Variants in STAT3 observed in about 807,000 individuals in gnomAD.
STAT3 encodes DNA-binding protein APRF.
STAT3 carries 7 observed loss-of-function variants against 114.3 expected under a neutral mutation model. The ratio of observed to expected loss-of-function variants is 0.06; its 90% confidence interval spans 0.03 to 0.11. The LOEUF is 0.11. STAT3 is among the 10% of genes least tolerant of loss of function. The probability of loss-of-function intolerance (pLI) is 1.00; values close to 1 mark genes in which losing one functional copy is unlikely to be tolerated. For missense variants in STAT3, 364 were observed against 960.9 expected (o/e 0.38, Z 8.21); for synonymous variants, 331 against 354.5 (o/e 0.93, Z 0.74).
At position 42,323,249 on chromosome 17, in the gene STAT3, G is replaced by T. The variant is rs775964698; in HGVS notation, c.1748+11C>A. Reference sequence around the variant, plus strand: ...ACTTGGTTACATCTGTGCACACTCTGTCCAACCTACCCTTCGTTCCAAAGG... The same window carrying T: ...ACTTGGTTACATCTGTGCACACTCTTTCCAACCTACCCTTCGTTCCAAAGG... On this transcript the variant is annotated intron_variant, in intron 19 of 23. Transcript: ENST00000264657. 9 of 1,614,172 alleles carry T rather than the reference G, an allele frequency of 5.6e-6. No homozygotes were observed. The highest frequency in any genetic ancestry group is 1.6e-4 in the Middle Eastern group (1 of 6,062).
chr17:42,326,002 C>T, intron 15 of STAT3, 114 bp downstream of exon 15: 1 of 988,868 alleles, frequency 1.0e-6, no homozygotes, highest in Non-Finnish European at 1.6e-6. Context: ...AAAATAAACA[C>T]AGTGTTAAGC....
rs35099574 is a variant in STAT3, at chr17:42,358,933, C to CTTTTTTTTT, written c.-23-10403_-23-10395dup. Among the ~76,000 whole-genome samples the CTTTTTTTTT allele has an allele frequency of 4.6e-3, 458 of 100,418 alleles. 14 individuals carry two copies. The highest frequency in any genetic ancestry group is 4.9e-3 in the African/African-American group (126 of 25,502). The allele number at this position is 100,418 out of a possible 152,430, so 65.9% of individuals were successfully genotyped here. On this transcript the variant is annotated intron_variant, in intron 1 of 23. Transcript: ENST00000264657. ...GTCTCCCTTTCATGGACATTTCTTACTTTTTTTTTTTTTTTTTTTGAGATG... is the reference window on the plus strand; with the variant it reads ...GTCTCCCTTTCATGGACATTTCTTACTTTTTTTTTTTTTTTTTTTTTTTTTTTTGAGATG...
intron 1 of STAT3, among the ~76,000 whole-genome samples, chr17:42,360,008 C>T (rs1054012658): frequency 7.4e-6 from 1 of 134,962 alleles, no homozygotes. Context: ...TGCAGTGAGC[C>T]GAGATCGCGC....
chr17:42,345,624 G>A lies in STAT3; in HGVS notation c.307C>T (p.Arg103Trp), dbSNP rs1408283351. Residue 103 changes from arginine (R) to tryptophan (W), a missense_variant, in exon 4 of 24, where the codon CGG becomes TGG. This residue lies in a region of STAT3 where 294 missense variants were observed against 745.1 expected (regional missense o/e 0.39). Transcript: ENST00000264657. The stretch of plus-strand genomic sequence containing the variant: ...TCCCACAGGCACCGGGCCACAATCC[G>A]GGCAATCTCCATTGGCTTCTCAAGA... The part of the protein sequence containing the change: ...RYLEKPMEIA[R>W]IVARCLWEES... 1.2e-6 allele frequency: 2 copies of A among 1,607,924 alleles called. No homozygotes were observed. The highest frequency in any genetic ancestry group is 1.7e-6 in the Non-Finnish European group (2 of 1,176,566).
chr17:42,315,693 A>C lies in STAT3; in HGVS notation c.*52T>G, dbSNP rs903864086. ...GTTTGGCTGTGTGAGGGGTGGCAGA[A>C]TGCAGGTAGGCGCCTCAGTCGTATC... On this transcript the variant is annotated 3_prime_UTR_variant, in exon 24 of 24. Coordinates refer to ENST00000264657, the MANE Select transcript of STAT3 (RefSeq NM_139276.3). 1.3e-6 allele frequency: 2 copies of C among 1,577,274 alleles called. No homozygotes were observed. The highest frequency in any genetic ancestry group is 1.7e-6 in the Non-Finnish European group (2 of 1,146,542).
chr17:42,336,235 G>A lies in STAT3; in HGVS notation c.797+1200C>T, dbSNP rs17885350. 6.5e-3 allele frequency among the ~76,000 whole-genome samples: 988 copies of A among 152,230 alleles called. 13 individuals are homozygous for A. The highest frequency in any genetic ancestry group is 0.023 in the African/African-American group (935 of 41,540). On this transcript the variant is annotated intron_variant, in intron 8 of 23. Transcript: ENST00000264657. ...TGCAACATGCTCACTATAGGGCCTTGCACAGGAAGGGTTGCAGTAAGATAT... is the reference window on the plus strand; with the variant it reads ...TGCAACATGCTCACTATAGGGCCTTACACAGGAAGGGTTGCAGTAAGATAT...
intron 14 of STAT3, among the ~76,000 whole-genome samples, chr17:42,328,821 T>C (rs1316623061): frequency 2.0e-5 from 3 of 152,208 alleles, no homozygotes; most frequent in Non-Finnish European, 4.4e-5. Context: ...CCTTTTTTTG[T>C]TTGTTTGTTT....
chr17:42,385,734 T>C (rs1048930552), intron 1 of STAT3, among the ~76,000 whole-genome samples: 1 of 152,200 alleles, frequency 6.6e-6, no homozygotes, highest in African/African-American at 2.4e-5. Flanking sequence ...AAATGACATT[T>C]AGGTCATGAC....
At chr17:42,375,124 C>G (rs2084380027) in intron 1 of STAT3, among the ~76,000 whole-genome samples, 1 of 152,178 alleles carries the variant, frequency 6.6e-6, no homozygotes, top group South Asian at 2.1e-4. Context: ...CCTTAATATT[C>G]AGGTACGTGC....
chr17:42,346,256 G>A (rs373194736), intron 3 of STAT3, among the ~76,000 whole-genome samples: 2 of 152,056 alleles, frequency 1.3e-5, no homozygotes, highest in Non-Finnish European at 2.9e-5. Context: ...ATCCCATTAT[G>A]GTCAAACATT....
intron 1 of STAT3, among the ~76,000 whole-genome samples, chr17:42,379,298 T>C (rs536594340): frequency 1.3e-5 from 2 of 152,324 alleles, no homozygotes; most frequent in African/African-American, 4.8e-5. Flanking sequence ...TCCTGCCTTC[T>C]CTAAAACTGG....
At chr17:42,365,657 T>G (rs7216516) in intron 1 of STAT3, among the ~76,000 whole-genome samples, 82,554 of 146,290 alleles carry the variant, frequency 0.56, 24,704 homozygotes, top group Admixed American at 0.72. Context: ...TTTTTGTTTT[T>G]TTTTGTTTTT....
chr17:42,328,535 G>A (rs916216111), intron 14 of STAT3, among the ~76,000 whole-genome samples: 1 of 152,194 alleles, frequency 6.6e-6, no homozygotes, highest in African/African-American at 2.4e-5. Flanking sequence ...AGCCTCCCCA[G>A]TAACTGGGAC....
intron 8 of STAT3, among the ~76,000 whole-genome samples, chr17:42,334,999 T>C (rs1181837966): frequency 6.6e-6 from 1 of 152,194 alleles, no homozygotes; most frequent in Non-Finnish European, 1.5e-5. Context: ...CTCCCAAAGA[T>C]GGGTTTGAGC....
chr17:42,333,551 G>T lies in STAT3; in HGVS notation c.1049+122C>A. 1 of 1,121,788 alleles carries T rather than the reference G, an allele frequency of 8.9e-7. No homozygotes were observed. Among genetic ancestry groups the T allele is most frequent in the Non-Finnish European group, 1.3e-6 (1 of 759,104 alleles). The allele number at this position is 1,121,788 out of a possible 1,614,324, so 69.5% of individuals were successfully genotyped here. ...TAGTATGGCAACAAATTTCAACCCC[G>T]CAACAGTGTACTGCCTGTGACACCA... On this transcript the variant is annotated intron_variant, in intron 10 of 23. Transcript: ENST00000264657. The surrounding 1 kb of genome is among the most constrained non-coding windows in gnomAD (Gnocchi z 5.2).
At chr17:42,316,115 C>G (rs891691594) in intron 23 of STAT3, 7 of 1,306,016 alleles carry the variant, frequency 5.4e-6, no homozygotes, top group Middle Eastern at 3.0e-4. Flanking sequence ...ACGTGGCCAC[C>G]AAGCATTTGA....
chr17:42,330,075 T>C (rs1299166469), intron 11 of STAT3, among the ~76,000 whole-genome samples: 1 of 152,172 alleles, frequency 6.6e-6, no homozygotes, highest in East Asian at 1.9e-4. Context: ...AATTTCCACA[T>C]AATTACATCA....
At chr17:42,344,718 C>CA (rs927425754) in intron 4 of STAT3, among the ~76,000 whole-genome samples, 3,216 of 99,784 alleles carry the variant, frequency 0.032, 122 homozygotes, top group Admixed American at 0.11. Flanking sequence ...GACTCTGTCT[C>CA]AAAAAAAAAA....
At chr17:42,360,124 A>T (rs189431303) in intron 1 of STAT3, among the ~76,000 whole-genome samples, 113 of 151,908 alleles carry the variant, frequency 7.4e-4, no homozygotes, top group Admixed American at 1.4e-3. Context: ...CAGGTAGTAA[A>T]GGCATGGAGC....
Sources: gnomAD v4.1 joint callset for allele counts (sites outside exome capture counted in the v4.1 genomes callset) on GRCh38, gnomAD v4.1.1 for gene constraint, gnomAD v4.1.1 regional missense constraint, Gnocchi (gnomAD v3.1) non-coding constraint, MANE v1.5 for transcripts, NCBI Gene and HGNC (gene_info 2026-07-23, HGNC 2026-07-21) for gene names.